The following KLRC1 variants were observed in gnomAD, a reference collection of about 807,000 sequenced individuals.
The protein encoded by KLRC1 is killer cell lectin like receptor C1.
A neutral mutation model predicts 25.9 loss-of-function variants in KLRC1; 22 were observed. The ratio of observed to expected loss-of-function variants is 0.85; its 90% CI spans 0.61 to 1.21. KLRC1 has a LOEUF of 1.21. Ranked by LOEUF, KLRC1 falls within the 50% of genes most tolerant of loss-of-function variation. The pLI is 0.00. For missense variants in KLRC1, 240 were observed against 272.2 expected, an observed-to-expected ratio of 0.88 and a Z score of 0.83; for synonymous variants, 77 against 93.1, an observed-to-expected ratio of 0.83 and a Z score of 0.99.
downstream of KLRC1, among the ~76,000 whole-genome samples, chr12:10,445,542 C>A (rs1226802068): frequency 6.6e-6 from 1 of 151,964 alleles, no homozygotes; most frequent in Non-Finnish European, 1.5e-5. Flanking sequence ...TTTGATTGTA[C>A]CTTCTATTCA....
chr12:10,447,297 G>A, intron 6 of KLRC1: 1 of 354,982 alleles, frequency 2.8e-6, no homozygotes, highest in Non-Finnish European at 5.1e-6. Context: ...CTTCCAATGT[G>A]GCCCACAGAA....
In KLRC1 at chr12:10,447,316, T is replaced by C. The variant is rs1480244557; in HGVS notation, c.590+216A>G. The C allele has an allele frequency of 3.7e-5, 12 of 321,132 alleles. No individual in the cohort carries two copies. The East Asian group carries it at 4.2e-4, about 11-fold the overall frequency. The allele number at this position is 321,132 out of a possible 1,614,324, so 19.9% of individuals were successfully genotyped here. ...CAATGTGGCCCACAGAAGCCAAAGATTGGACACCTGATAATCAAGAAGGTT... is the reference window on the plus strand; with the variant it reads ...CAATGTGGCCCACAGAAGCCAAAGACTGGACACCTGATAATCAAGAAGGTT... On this transcript the variant is annotated intron_variant, in intron 6 of 6. Coordinates refer to ENST00000359151, the MANE Select transcript of KLRC1 (RefSeq NM_002259.5).
At chr12:10,448,019 A>G (rs1316827359) in intron 5 of KLRC1, among the ~76,000 whole-genome samples, 2 of 152,168 alleles carry the variant, frequency 1.3e-5, no homozygotes, top group Non-Finnish European at 2.9e-5. Flanking sequence ...TGGAAGCTAC[A>G]TATTGGGTTT....
At chr12:10,447,051 A>T (rs34656836) in intron 6 of KLRC1, among the ~76,000 whole-genome samples, 3 of 152,234 alleles carry the variant, frequency 2.0e-5, no homozygotes, top group Non-Finnish European at 2.9e-5. Flanking sequence ...TATTCTTAAG[A>T]AAAAAAGTAA....
downstream of KLRC1, among the ~76,000 whole-genome samples, chr12:10,443,339 AT>A (rs1202241370): frequency 1.4e-5 from 2 of 140,624 alleles, 1 homozygote; most frequent in East Asian, 4.2e-4. Context: ...TGAGGATAAA[AT>A]ATTTAACAAC....
chr12:10,442,989 T>G (rs1863930624), downstream of KLRC1, among the ~76,000 whole-genome samples: 1 of 92,804 alleles, frequency 1.1e-5, no homozygotes, highest in Non-Finnish European at 2.2e-5. Flanking sequence ...TACCAGAGAT[T>G]GAGAAGGATA....
chr12:10,450,252 A>C, intron 3 of KLRC1: 1 of 468,560 alleles, frequency 2.1e-6, no homozygotes, highest in Non-Finnish European at 3.7e-6. Context: ...CTCCTAGAAC[A>C]TATTTTTGAG....
At position 10,446,311 on chromosome 12, in the gene KLRC1, C is replaced by T. The variant is rs1335478546; in HGVS notation, c.*240G>A. Reference sequence around the variant, plus strand: ...ACTTCCTATAAGCTGACTCACATAACATGCAACTTTTAGAAAGGCTGAAAA... The same window carrying T: ...ACTTCCTATAAGCTGACTCACATAATATGCAACTTTTAGAAAGGCTGAAAA... On this transcript the variant is annotated 3_prime_UTR_variant, in exon 7 of 7. Transcript: ENST00000359151. 8.1e-6 allele frequency: 9 copies of T among 1,113,954 alleles called. No individual in the cohort carries two copies. In the South Asian group the frequency reaches 1.4e-4, roughly 18 times the overall value. The allele number at this position is 1,113,954 out of a possible 1,614,324, so 69.0% of individuals were successfully genotyped here.
At chr12:10,452,234 T>C (rs946822347) in intron 1 of KLRC1, among the ~76,000 whole-genome samples, 1 of 152,086 alleles carries the variant, frequency 6.6e-6, no homozygotes, top group African/African-American at 2.4e-5. Flanking sequence ...AATAAAAGTA[T>C]AGGTAATTCA....
At chr12:10,446,798 A>G (rs1218292691) in intron 6 of KLRC1, 136 bp from the exon 7 acceptor site, 1 of 1,116,530 alleles carries the variant, frequency 9.0e-7, no homozygotes, top group African/African-American at 1.6e-5. Context: ...AGTAAGAGTC[A>G]TTATTCTGAA....
At position 10,446,464 on chromosome 12, in the gene KLRC1, A is replaced by C; in HGVS notation, c.*87T>G. 6.8e-7 allele frequency: 1 copy of C among 1,460,584 alleles called. No individual in the cohort carries two copies. The highest frequency in any genetic ancestry group is 9.1e-7 in the Non-Finnish European group (1 of 1,094,348). 90.5% of individuals were successfully genotyped at this position (1,460,584 alleles called of 1,614,324 possible). On this transcript the variant is annotated 3_prime_UTR_variant, in exon 7 of 7. Coordinates refer to ENST00000359151, the MANE Select transcript of KLRC1 (RefSeq NM_002259.5). ...CTTATTAGAGCAAATAACATAATTCATTTTAAGATTTATGCAATCATAATA... is the reference window on the plus strand; with the variant it reads ...CTTATTAGAGCAAATAACATAATTCCTTTTAAGATTTATGCAATCATAATA...
At chr12:10,450,638 A>T in intron 2 of KLRC1, 59 bp from the exon 3 acceptor site, 1 of 1,086,652 alleles carries the variant, frequency 9.2e-7, no homozygotes, top group Non-Finnish European at 1.4e-6. Context: ...CGTTTAGAAG[A>T]TTCACAGACA....
chr12:10,444,430 A>G (rs60528788), downstream of KLRC1, among the ~76,000 whole-genome samples: 39,580 of 149,506 alleles, frequency 0.26, 6,771 homozygotes, highest in African/African-American at 0.48. Flanking sequence ...GCCAGGCACA[A>G]TGATGCCTCC....
At chr12:10,451,424 G>A (rs181544546) in intron 1 of KLRC1, 169 of 216,188 alleles carry the variant, frequency 7.8e-4, no homozygotes, top group African/African-American at 3.7e-3. Flanking sequence ...TTGGGAGGCC[G>A]AGGCATGCCG....
downstream of KLRC1, among the ~76,000 whole-genome samples, chr12:10,444,031 C>T (rs1863943527): frequency 7.5e-6 from 1 of 133,962 alleles, no homozygotes; most frequent in African/African-American, 3.1e-5. Flanking sequence ...ATCCAAATAA[C>T]ATATGGGTGA....
chr12:10,446,838 C>T (rs1048930209), intron 6 of KLRC1, among the ~76,000 whole-genome samples, 176 bp from the exon 7 acceptor site: 4 of 152,138 alleles, frequency 2.6e-5, no homozygotes, highest in Non-Finnish European at 5.9e-5. Context: ...CCTTCATCCA[C>T]GAGGGATATG....
Position 10,453,308 on chromosome 12 carries a change from A to C in KLRC1, c.-142T>G. 2.0e-6 allele frequency: 2 copies of C among 985,440 alleles called. No homozygotes were observed. Among genetic ancestry groups the C allele is most frequent in the Non-Finnish European group, 2.4e-6 (2 of 829,906 alleles). 61.0% of individuals were successfully genotyped at this position (985,440 alleles called of 1,614,324 possible). A position where few individuals can be genotyped will look rare whatever the true frequency, so the allele number is the denominator to read the frequency against. ...GGTGAAATTTAAAGGCATAAATCCA[A>C]GACAAGAACAAACAATGCCTGCAAT... is the stretch of plus-strand genomic sequence containing the variant. On this transcript the variant is annotated 5_prime_UTR_variant, in exon 1 of 7. Coordinates refer to ENST00000359151, the MANE Select transcript of KLRC1 (RefSeq NM_002259.5).
chr12:10,453,290 T>C lies in KLRC1; in HGVS notation c.-124A>G. Reference sequence around the variant, plus strand: ...TATAGCTGTGTAATAAAAGGTGAAATTTAAAGGCATAAATCCAAGACAAGA... The same window carrying C: ...TATAGCTGTGTAATAAAAGGTGAAACTTAAAGGCATAAATCCAAGACAAGA... On this transcript the variant is annotated 5_prime_UTR_variant, in exon 1 of 7. Transcript: ENST00000359151. 13 of 985,334 alleles carry C rather than the reference T, an allele frequency of 1.3e-5. No individual in the cohort carries two copies. Among genetic ancestry groups the C allele is most frequent in the Non-Finnish European group, 1.6e-5 (13 of 829,890 alleles). The allele number at this position is 985,334 out of a possible 1,614,324, so 61.0% of individuals were successfully genotyped here.
intron 5 of KLRC1, among the ~76,000 whole-genome samples, chr12:10,448,822 A>G (rs375632504): frequency 2.0e-5 from 3 of 152,226 alleles, no homozygotes; most frequent in East Asian, 3.8e-4. Context: ...AAGTCAAGAC[A>G]GTGTTTTGGA....
Sources: gnomAD v4.1 joint callset for allele counts (sites outside exome capture counted in the v4.1 genomes callset) on GRCh38, gnomAD v4.1.1 for gene constraint, MANE v1.5 for transcripts, NCBI Gene and HGNC (gene_info 2026-07-23, HGNC 2026-07-21) for gene names.